The following MEI4 variants were observed in gnomAD, a reference collection of about 807,000 sequenced individuals.
The protein encoded by MEI4 is meiotic double-stranded break formation protein 4, also known as meiosis-specific protein MEI4.
MEI4 carries 27 observed loss-of-function variants against 31.4 expected under a neutral mutation model. The observed-to-expected ratio is 0.86, with a 90% CI of 0.63 to 1.19. The LOEUF (loss-of-function observed/expected upper bound fraction) is 1.19, where lower values mean the gene tolerates loss of function less well. Among genes scored for constraint, MEI4 ranks in the 50% most tolerant of loss-of-function variants. The pLI is 0.00. For synonymous variants in MEI4, 122 were observed against 145.4 expected (o/e 0.84, Z 1.16); for missense variants, 329 against 398.9 (o/e 0.82, Z 1.49).
At chr6:77,826,229 A>G (rs1158396764) in intron 3 of MEI4, among the ~76,000 whole-genome samples, 1 of 152,216 alleles carries the variant, frequency 6.6e-6, no homozygotes, top group African/African-American at 2.4e-5. Context: ...TTGGTGTCCT[A>G]CAATCAGGCA....
intron 3 of MEI4, among the ~76,000 whole-genome samples, chr6:77,819,713 GTAA>G (rs1769772628): frequency 6.6e-6 from 1 of 152,110 alleles, no homozygotes. Flanking sequence ...TTCTTAGGAA[GTAA>G]TAAAGGCCTT....
chr6:77,837,861 CTTA>C (rs1467470930), intron 4 of MEI4, among the ~76,000 whole-genome samples: 1 of 151,986 alleles, frequency 6.6e-6, no homozygotes, highest in African/African-American at 2.4e-5. Context: ...TTAAAAGGTG[CTTA>C]TTATCCTTTA....
At chr6:77,748,769 G>A (rs979926004) in intron 2 of MEI4, among the ~76,000 whole-genome samples, 1 of 152,156 alleles carries the variant, frequency 6.6e-6, no homozygotes, top group Non-Finnish European at 1.5e-5. Context: ...GTCACCTCTT[G>A]AATGCTTTGC....
chr6:77,800,189 TCTC>T (rs1276976784), intron 3 of MEI4, among the ~76,000 whole-genome samples: 2 of 152,126 alleles, frequency 1.3e-5, no homozygotes, highest in African/African-American at 4.8e-5. Context: ...GGTTTATAGT[TCTC>T]CTTGAAGAGG....
At chr6:77,890,833 G>T (rs1427973608) in intron 4 of MEI4, among the ~76,000 whole-genome samples, 2 of 152,096 alleles carry the variant, frequency 1.3e-5, no homozygotes, top group African/African-American at 4.8e-5. Context: ...AGATCTGATG[G>T]CTTTATAAGG....
chr6:77,740,732 A>G (rs1316621026), intron 2 of MEI4, among the ~76,000 whole-genome samples: 2 of 152,012 alleles, frequency 1.3e-5, no homozygotes, highest in Admixed American at 6.6e-5. Flanking sequence ...ATTTGAAGAG[A>G]TTTTATTTGA....
intron 4 of MEI4, among the ~76,000 whole-genome samples, chr6:77,865,529 G>A (rs1211084504): frequency 2.6e-5 from 4 of 152,110 alleles, no homozygotes; most frequent in African/African-American, 9.7e-5. Flanking sequence ...ACTAAACCAG[G>A]AAGAATTTGA....
intron 4 of MEI4, among the ~76,000 whole-genome samples, chr6:77,903,364 T>G (rs909892753): frequency 3.9e-5 from 6 of 152,298 alleles, no homozygotes; most frequent in Non-Finnish European, 8.8e-5. Context: ...CACTTTATTA[T>G]AAAATAGGCT....
chr6:77,887,182 G>GT (rs762928422), intron 4 of MEI4, among the ~76,000 whole-genome samples: 27 of 143,180 alleles, frequency 1.9e-4, no homozygotes, highest in Admixed American at 6.2e-4. Flanking sequence ...GTTTCAAGAG[G>GT]TTTTTTTTTT....
rs573937212 is a variant in MEI4, at chr6:77,734,046, A to C, written c.233-27084A>C. On this transcript the variant is annotated intron_variant, in intron 2 of 4. Transcript: ENST00000684080. ...ACTTGCTGAGGAGAGCTTTACTTCC[A>C]AGTATGTGGTCAGTTTTGGAATAGG... Among the ~76,000 whole-genome samples, 7 of 152,076 alleles carry C rather than the reference A, an allele frequency of 4.6e-5. No individual in the cohort carries two copies. The South Asian group carries it at 1.2e-3, about 27-fold the overall frequency.
chr6:77,851,552 A>G (rs970156170), intron 4 of MEI4, among the ~76,000 whole-genome samples: 2 of 145,146 alleles, frequency 1.4e-5, no homozygotes, highest in Non-Finnish European at 3.0e-5. Context: ...CAAACACCGC[A>G]TGTTCTCGCT....
rs186153944 is a variant in MEI4 at position 77,847,114 on chromosome 6, G to C, written c.900+18052G>C. Reference sequence around the variant, plus strand: ...AGTGAGGGAATATTGTTTTTTTTTGGTGAGTTAATGAAAAATTGAAAATGA... The same window carrying C: ...AGTGAGGGAATATTGTTTTTTTTTGCTGAGTTAATGAAAAATTGAAAATGA... On this transcript the variant is annotated intron_variant, in intron 4 of 4. Coordinates refer to ENST00000684080, the MANE Select transcript of MEI4 (RefSeq NM_001322247.2). This position sits in a 1 kb window ranked among gnomAD's most constrained non-coding sequence, Gnocchi z 4.6. Among the ~76,000 whole-genome samples the C allele has an allele frequency of 9.2e-5, 14 of 151,716 alleles. No homozygotes were observed. The highest frequency in any genetic ancestry group is 9.2e-4 in the Admixed American group (14 of 15,220).
chr6:77,890,673 T>C (rs1771743062), intron 4 of MEI4, among the ~76,000 whole-genome samples: 1 of 152,130 alleles, frequency 6.6e-6, no homozygotes, highest in South Asian at 2.1e-4. Context: ...GGTGGAATGA[T>C]ATGGTTTGGC....
chr6:77,874,771 A>G (rs1176968346), intron 4 of MEI4, among the ~76,000 whole-genome samples: 4 of 152,006 alleles, frequency 2.6e-5, no homozygotes, highest in Admixed American at 6.6e-5. Flanking sequence ...TTATTTTGAG[A>G]TATGTCCCAT....
intron 3 of MEI4, among the ~76,000 whole-genome samples, chr6:77,808,416 T>G (rs1311775755): frequency 2.0e-5 from 3 of 152,044 alleles, no homozygotes; most frequent in Non-Finnish European, 4.4e-5. Context: ...TCTAGAAGTG[T>G]GAAACTCAGA....
At chr6:77,742,486 A>T (rs1456678060) in intron 2 of MEI4, among the ~76,000 whole-genome samples, 4 of 152,046 alleles carry the variant, frequency 2.6e-5, no homozygotes, top group Non-Finnish European at 5.9e-5. Context: ...TTTCTTGTAA[A>T]TTTATTTGAG....
At chr6:77,694,020 A>T (rs1024906151) in intron 2 of MEI4, among the ~76,000 whole-genome samples, 1 of 152,110 alleles carries the variant, frequency 6.6e-6, no homozygotes, top group Non-Finnish European at 1.5e-5. Flanking sequence ...AGCAACCCAA[A>T]ATTAAATAAA....
intron 4 of MEI4, among the ~76,000 whole-genome samples, chr6:77,867,844 T>C (rs575228475): frequency 9.2e-5 from 14 of 152,272 alleles, no homozygotes; most frequent in African/African-American, 2.9e-4. Flanking sequence ...TAGACTGGAT[T>C]AAGCAAATGT....
At chr6:77,874,391 A>T (rs1771277737) in intron 4 of MEI4, among the ~76,000 whole-genome samples, 1 of 152,162 alleles carries the variant, frequency 6.6e-6, no homozygotes, top group African/African-American at 2.4e-5. Context: ...TTCACTCATG[A>T]TTCAGCTCTC....
Sources: gnomAD v4.1 joint callset for allele counts (sites outside exome capture counted in the v4.1 genomes callset) on GRCh38, gnomAD v4.1.1 for gene constraint, Gnocchi (gnomAD v3.1) non-coding constraint, MANE v1.5 for transcripts, NCBI Gene and HGNC (gene_info 2026-07-23, HGNC 2026-07-21) for gene names.